Variants in BMPR1B observed in about 807,000 individuals in gnomAD.
BMPR1B encodes the protein bone morphogenetic protein receptor type 1B, also known as bone morphogenetic protein receptor type-1B.
A neutral mutation model predicts 59.1 loss-of-function variants in BMPR1B; 12 were observed. The ratio of observed to expected loss-of-function variants is 0.20; its 90% CI spans 0.13 to 0.33. The LOEUF (loss-of-function observed/expected upper bound fraction) is 0.33. BMPR1B is among the 10% of genes least tolerant of loss of function. BMPR1B has a pLI of 1.00. For synonymous variants in BMPR1B, 237 were observed against 207.3 expected, an observed-to-expected ratio of 1.14 and a Z score of -1.23; for missense variants, 550 against 610.9, an observed-to-expected ratio of 0.90 and a Z score of 1.05.
At chr4:94,778,229 C>A (rs1412174689) in intron 1 of BMPR1B, among the ~76,000 whole-genome samples, 1 of 152,078 alleles carries the variant, frequency 6.6e-6, no homozygotes, top group Non-Finnish European at 1.5e-5. Flanking sequence ...TGAGTAAACA[C>A]TAACCTGAGT....
rs963642718 is a variant in BMPR1B, at chr4:94,949,814, G to C, written c.-112-46226G>C. 2.0e-5 allele frequency among the ~76,000 whole-genome samples: 3 copies of C among 152,126 alleles called. No homozygotes were observed. The South Asian group carries it at 6.2e-4, about 32-fold the overall frequency. On this transcript the variant is annotated intron_variant, in intron 2 of 12. Coordinates refer to ENST00000515059, the MANE Select transcript of BMPR1B (RefSeq NM_001203.3). ...CCTTTGGGTATATACTCAGTAATGG[G>C]ATTACTGGGTCAAATGGTATTTCTA... is the stretch of plus-strand genomic sequence containing the variant.
chr4:94,952,935 G>A (rs928675715), intron 2 of BMPR1B, among the ~76,000 whole-genome samples: 1 of 152,158 alleles, frequency 6.6e-6, no homozygotes, highest in Non-Finnish European at 1.5e-5. Flanking sequence ...TTATGAATCT[G>A]GGTGCTCCTG....
intron 1 of BMPR1B, among the ~76,000 whole-genome samples, chr4:94,833,030 T>C (rs919900984): frequency 1.3e-5 from 2 of 151,626 alleles, no homozygotes; most frequent in South Asian, 4.2e-4. Flanking sequence ...CTACAAAATA[T>C]TAAAACAAAA....
rs142124519 is a variant in BMPR1B, at chr4:94,902,249, C to CAG, written c.-113+26393_-113+26394dup. The stretch of plus-strand genomic sequence containing the variant: ...ACACACACACACACACACACACACA[C>CAG]AGAGAGAGAGAGAGAGAGAGAGAGA... On this transcript the variant is annotated intron_variant, in intron 2 of 12. Transcript: ENST00000515059. Among the ~76,000 whole-genome samples the CAG allele has an allele frequency of 2.4e-3, 167 of 69,022 alleles. 1 individual carries two copies. Among genetic ancestry groups the CAG allele is most frequent in the South Asian group, 5.1e-3 (7 of 1,386 alleles). 45.3% of individuals were successfully genotyped at this position (69,022 alleles called of 152,430 possible). A position where few individuals can be genotyped will look rare whatever the true frequency, so the allele number is the denominator to read the frequency against.
intron 3 of BMPR1B, among the ~76,000 whole-genome samples, chr4:95,098,581 T>G (rs1406358285): frequency 6.6e-6 from 1 of 152,020 alleles, no homozygotes. Context: ...TACTTTAAGT[T>G]TTAGGGTACA....
At chr4:94,768,343 C>T (rs1299856089) in intron 1 of BMPR1B, among the ~76,000 whole-genome samples, 2 of 151,632 alleles carry the variant, frequency 1.3e-5, no homozygotes, top group African/African-American at 4.9e-5. Flanking sequence ...AAAGAGAAAA[C>T]TTACCTTCTC....
At chr4:94,862,544 C>T (rs1163052416) in intron 1 of BMPR1B, among the ~76,000 whole-genome samples, 3 of 151,494 alleles carry the variant, frequency 2.0e-5, no homozygotes, top group Non-Finnish European at 2.9e-5. Context: ...TGGCTCATGC[C>T]TGTAATCCTA....
At chr4:94,852,242 G>A (rs1725596226) in intron 1 of BMPR1B, among the ~76,000 whole-genome samples, 1 of 152,042 alleles carries the variant, frequency 6.6e-6, no homozygotes, top group Admixed American at 6.6e-5. Context: ...TCTTAGATGT[G>A]TACAGGCCAT....
intron 2 of BMPR1B, among the ~76,000 whole-genome samples, chr4:94,977,815 C>T (rs1012461129): frequency 1.3e-5 from 2 of 152,162 alleles, no homozygotes; most frequent in African/African-American, 2.4e-5. Context: ...GGAGATTGCA[C>T]CACTGCATTC....
intron 3 of BMPR1B, among the ~76,000 whole-genome samples, chr4:95,057,936 A>G (rs945787095): frequency 6.6e-6 from 1 of 152,184 alleles, no homozygotes. Flanking sequence ...TATAGGTCCT[A>G]CAGAATTATC....
At chr4:95,050,298 C>T (rs554108721) in intron 3 of BMPR1B, among the ~76,000 whole-genome samples, 4 of 152,150 alleles carry the variant, frequency 2.6e-5, no homozygotes, top group South Asian at 2.1e-4. Context: ...ATGTTTCTGA[C>T]GAGTAAGATG....
intron 2 of BMPR1B, among the ~76,000 whole-genome samples, chr4:94,948,883 G>C (rs1402983780): frequency 6.6e-6 from 1 of 152,196 alleles, no homozygotes; most frequent in Non-Finnish European, 1.5e-5. Flanking sequence ...TTGCCAAGGA[G>C]TGTGGGTGTT....
intron 1 of BMPR1B, among the ~76,000 whole-genome samples, chr4:94,839,053 C>T (rs1478713311): frequency 1.8e-5 from 2 of 112,512 alleles, no homozygotes; most frequent in South Asian, 3.3e-4. Context: ...GTTCAGTTTC[C>T]ATGTAGTTGA....
At chr4:95,109,327 A>G (rs1368691457) in intron 4 of BMPR1B, among the ~76,000 whole-genome samples, 1 of 152,080 alleles carries the variant, frequency 6.6e-6, no homozygotes, top group East Asian at 1.9e-4. Context: ...TAAATGAGGA[A>G]TTAGATAAGC....
Position 94,990,487 on chromosome 4 carries a change from C to T in BMPR1B, c.-112-5553C>T, listed in dbSNP as rs200298829. On this transcript the variant is annotated intron_variant, in intron 2 of 12. Coordinates refer to ENST00000515059, the MANE Select transcript of BMPR1B (RefSeq NM_001203.3). ...GAATGCATAAATAAAACCTGGCATA[C>T]CCATACAATGAAATACTATTCAACA... Among the ~76,000 whole-genome samples the T allele has an allele frequency of 2.3e-4, 35 of 152,138 alleles. No homozygotes were observed. The East Asian group carries it at 2.5e-3, about 11-fold the overall frequency.
chr4:95,034,885 C>A (rs1725125155), intron 3 of BMPR1B, among the ~76,000 whole-genome samples: 2 of 152,094 alleles, frequency 1.3e-5, no homozygotes, highest in African/African-American at 4.8e-5. Context: ...TACTAGTTTA[C>A]ATTCTCACCA....
chr4:95,017,716 T>A (rs1477387637), intron 3 of BMPR1B, among the ~76,000 whole-genome samples: 1 of 152,192 alleles, frequency 6.6e-6, no homozygotes, highest in African/African-American at 2.4e-5. Flanking sequence ...GAGATTGTTA[T>A]TCCCATTTTT....
intron 2 of BMPR1B, among the ~76,000 whole-genome samples, chr4:94,967,686 G>A (rs917534845): frequency 1.3e-5 from 2 of 151,998 alleles, no homozygotes; most frequent in African/African-American, 4.8e-5. Context: ...GTTTCACCGT[G>A]TTGACCAGGC....
intron 3 of BMPR1B, among the ~76,000 whole-genome samples, chr4:95,041,286 C>A (rs1347594149): frequency 6.6e-6 from 1 of 152,046 alleles, no homozygotes; most frequent in African/African-American, 2.4e-5. Context: ...CGGGCTCAAG[C>A]GATCCTCCTA....
Sources: allele counts gnomAD v4.1 joint callset (sites outside exome capture counted in the v4.1 genomes callset), GRCh38; gene constraint gnomAD v4.1.1; transcripts MANE v1.5; gene names NCBI Gene and HGNC (gene_info 2026-07-23, HGNC 2026-07-21).